CDH23: variants seen among roughly 807,000 people sequenced by gnomAD.
CDH23 encodes cadherin-23.
In CDH23, 189 loss-of-function variants were observed where a neutral mutation model predicts 317.1. The ratio of observed to expected loss-of-function variants is 0.60; its 90% confidence interval spans 0.53 to 0.67. The LOEUF (loss-of-function observed/expected upper bound fraction) is 0.67, where lower values mean the gene tolerates loss of function less well. Ranked by LOEUF, CDH23 falls within the 30% of genes least tolerant of loss-of-function variation. The pLI, the probability that CDH23 is intolerant of heterozygous loss-of-function variation, is 0.00. For missense variants in CDH23, 4,401 were observed against 4,592.4 expected, an observed-to-expected ratio of 0.96 and a Z score of 1.20; for synonymous variants, 1,839 against 1,876.8, an observed-to-expected ratio of 0.98 and a Z score of 0.52.
intron 55 of CDH23, among the ~76,000 whole-genome samples, chr10:71,805,237 G>A (rs974909903): frequency 1.8e-4 from 28 of 152,228 alleles, no homozygotes; most frequent in African/African-American, 6.3e-4. Context: ...GCTCAGGGAA[G>A]TGAGGTGGCA....
At chr10:71,791,038 G>A (rs1841236413) in intron 46 of CDH23, 94 bp from the exon 47 acceptor site, 1 of 972,428 alleles carries the variant, frequency 1.0e-6, no homozygotes. Flanking sequence ...TGGTGCCCCT[G>A]TCTTTCTCTG....
rs375212593 is a variant in CDH23 at position 71,807,572 on chromosome 10, C to T, written c.8365C>T (p.Arg2789Trp). ...GCCCGATGGGTGTCTGCTGGTGCTGCGGGACCTGGACCGGGAGCGAGAAGC... is the reference window on the plus strand; with the variant it reads ...GCCCGATGGGTGTCTGCTGGTGCTGTGGGACCTGGACCGGGAGCGAGAAGC... ...LQPDGCLLVL[R>W]DLDREREAIF... Residue 2789 changes from arginine to tryptophan, a missense_variant, in exon 59 of 70, where the codon CGG becomes TGG. By Grantham distance (101) the Arg-to-Trp change is moderately radical (BLOSUM62 -3). This residue lies in a region of CDH23 where 1,144 missense variants were observed against 1,138.2 expected (regional missense o/e 1.01). Transcript: ENST00000224721. 7 of 1,613,980 alleles carry T rather than the reference C, an allele frequency of 4.3e-6. No individual in the cohort carries two copies. The South Asian group carries it at 5.5e-5, about 13-fold the overall frequency.
At chr10:71,553,351 G>T (rs544022228) in intron 6 of CDH23, among the ~76,000 whole-genome samples, 6 of 151,908 alleles carry the variant, frequency 3.9e-5, no homozygotes, top group Non-Finnish European at 8.8e-5. Context: ...CTGCAGCCCC[G>T]TTCGAACCTT....
intron 22 of CDH23, among the ~76,000 whole-genome samples, chr10:71,697,148 GTGTGCCAGGTGAGGAC>G (rs1017530346): frequency 5.9e-5 from 9 of 152,232 alleles, no homozygotes; most frequent in Non-Finnish European, 1.0e-4. Flanking sequence ...CAAGGCGTGG[GTGTGCCAGGTGAGGAC>G]TGCACACAGT....
chr10:71,815,510 A>ACGCCTGTAATCCCAGC lies in CDH23; in HGVS notation c.*232_*233insCGCCTGTAATCCCAGC. 1 of 448,144 alleles carries ACGCCTGTAATCCCAGC rather than the reference A, an allele frequency of 2.2e-6. No individual in the cohort carries two copies. The highest frequency in any genetic ancestry group is 3.9e-6 in the Non-Finnish European group (1 of 254,136). 27.8% of individuals were successfully genotyped at this position (448,144 alleles called of 1,614,324 possible). A position where few individuals can be genotyped will look rare whatever the true frequency, so the allele number is the denominator to read the frequency against. ...ATCTGTTATTTTTATAAGAAAACCA[A>ACGCCTGTAATCCCAGC]ACAAAAATGTTAAGCATCTAAGGAC... On this transcript the variant is annotated 3_prime_UTR_variant, in exon 70 of 70. Coordinates refer to ENST00000224721, the MANE Select transcript of CDH23 (RefSeq NM_022124.6).
intron 24 of CDH23, 46 bp from the exon 25 acceptor site, chr10:71,704,865 C>G (rs758977573): frequency 5.6e-6 from 8 of 1,437,698 alleles, no homozygotes; most frequent in Non-Finnish European, 9.8e-7. Context: ...AAGCATCCAT[C>G]CCAGTGTCCC....
chr10:71,751,385 T>C lies in CDH23; in HGVS notation c.4845+9464T>C. The C allele has an allele frequency of 1.7e-6, 1 of 591,698 alleles. No individual in the cohort carries two copies. Among genetic ancestry groups the C allele is most frequent in the Admixed American group, 3.7e-5 (1 of 27,312 alleles). 36.7% of individuals were successfully genotyped at this position (591,698 alleles called of 1,614,324 possible). A position where few individuals can be genotyped will look rare whatever the true frequency, so the allele number is the denominator to read the frequency against. On this transcript the variant is annotated intron_variant, in intron 38 of 69. Coordinates refer to ENST00000224721, the MANE Select transcript of CDH23 (RefSeq NM_022124.6). This position sits in a 1 kb window ranked among gnomAD's most constrained non-coding sequence, Gnocchi z 4.9. Reference sequence around the variant, plus strand: ...CCGTGGAACTCTTCAGGGAGGTGAATGGGGGCCCCTCTGTCCCTCACCCTC... The same window carrying C: ...CCGTGGAACTCTTCAGGGAGGTGAACGGGGGCCCCTCTGTCCCTCACCCTC...
chr10:71,798,669 T>G (rs1214274641), intron 50 of CDH23, 91 bp downstream of exon 50: 8 of 1,028,668 alleles, frequency 7.8e-6, no homozygotes, highest in African/African-American at 1.6e-5. Flanking sequence ...CTGTGGCTCC[T>G]CAGTGGACTG....
intron 11 of CDH23, among the ~76,000 whole-genome samples, chr10:71,627,613 GC>G (rs1861804092): frequency 6.6e-6 from 1 of 152,140 alleles, no homozygotes; most frequent in African/African-American, 2.4e-5. Context: ...CGGTACCAGT[GC>G]CCACCCCTCA....
At chr10:71,500,652 G>A (rs971112280) in intron 3 of CDH23, among the ~76,000 whole-genome samples, 1 of 152,194 alleles carries the variant, frequency 6.6e-6, no homozygotes, top group Non-Finnish European at 1.5e-5. Context: ...TTTGGATTTG[G>A]ATAAAAGGCT....
intron 28 of CDH23, among the ~76,000 whole-genome samples, chr10:71,721,675 G>C (rs554930110): frequency 6.6e-6 from 1 of 152,094 alleles, no homozygotes; most frequent in Non-Finnish European, 1.5e-5. Context: ...CACACTTACC[G>C]CAGTGCCCGG....
chr10:71,430,239 C>G (rs1314935331), intron 1 of CDH23, among the ~76,000 whole-genome samples: 1 of 151,774 alleles, frequency 6.6e-6, no homozygotes, highest in Non-Finnish European at 1.5e-5. Flanking sequence ...GTCCATGTGC[C>G]CAGCAGGGGC....
chr10:71,682,953 G>T (rs1864715444), intron 18 of CDH23, among the ~76,000 whole-genome samples: 1 of 152,098 alleles, frequency 6.6e-6, no homozygotes, highest in South Asian at 2.1e-4. Flanking sequence ...TGACCAGAAG[G>T]TCATCTTCTC....
chr10:71,789,346 G>C (rs1841183837), intron 45 of CDH23, among the ~76,000 whole-genome samples: 1 of 152,184 alleles, frequency 6.6e-6, no homozygotes, highest in African/African-American at 2.4e-5. Flanking sequence ...ACCCCGGAGG[G>C]GAGTGGGTCC....
rs762681991 is a variant in CDH23, at chr10:71,712,729, G to T, written c.3285G>T (p.Val1095=). Residue 1095 remains valine, a synonymous_variant, in exon 28 of 70, where the codon GTG becomes GTT. Coordinates refer to ENST00000224721, the MANE Select transcript of CDH23 (RefSeq NM_022124.6). ...TATVFVTVLD[V]NDNRPIFLQS... ...CCGTGTTCGTCACTGTCCTGGATGT[G>T]AATGACAACCGGCCCATCTTTCTGC... The T allele has an allele frequency of 6.2e-7, 1 of 1,613,706 alleles. No homozygotes were observed. Among genetic ancestry groups the T allele is most frequent in the South Asian group, 1.1e-5 (1 of 91,052 alleles).
At position 71,668,061 on chromosome 10, in the gene CDH23, G is replaced by A. The variant is rs567256635; in HGVS notation, c.1450-7051G>A. Among the ~76,000 whole-genome samples, 30 of 152,234 alleles carry A rather than the reference G, an allele frequency of 2.0e-4. 1 individual carries two copies. Among genetic ancestry groups the A allele is most frequent in the Admixed American group, 1.2e-3 (19 of 15,296 alleles). On this transcript the variant is annotated intron_variant, in intron 14 of 69. Transcript: ENST00000224721. The stretch of plus-strand genomic sequence containing the variant: ...ACCAAGACCAAGCCTGGGATGGGGT[G>A]GAGTCCTTCTTTAAGGGTCTGTGGG...
intron 9 of CDH23, among the ~76,000 whole-genome samples, chr10:71,578,683 G>A (rs2132403712): frequency 6.6e-6 from 1 of 151,628 alleles, no homozygotes; most frequent in African/African-American, 2.4e-5. Flanking sequence ...AGGATGTGGT[G>A]ACAGGCTGCT....
At chr10:71,457,037 T>C (rs1391417582) in intron 3 of CDH23, among the ~76,000 whole-genome samples, 1 of 152,122 alleles carries the variant, frequency 6.6e-6, no homozygotes, top group African/African-American at 2.4e-5. Context: ...GTGGGAGGCA[T>C]GAACTACAGA....
In CDH23 at chr10:71,777,719, G is replaced by A. The variant is rs1840849138; in HGVS notation, c.4885G>A (p.Asp1629Asn). The A allele has an allele frequency of 6.2e-7, 1 of 1,613,244 alleles. No homozygotes were observed. Among genetic ancestry groups the A allele is most frequent in the Non-Finnish European group, 8.5e-7 (1 of 1,179,670 alleles). ...GTACGTGACCATTGTGGATGAGAAT[G>A]ATAACGCGCCCATGTTCCAGCAGCC... is the stretch of plus-strand genomic sequence containing the variant. The part of the protein sequence containing the change: ...HVYVTIVDEN[D>N]NAPMFQQPHY... Residue 1629 changes from aspartate to asparagine, a missense_variant, in exon 39 of 70, where the codon GAT becomes AAT. Transcript: ENST00000224721.
Sources: gnomAD v4.1 joint callset for allele counts (sites outside exome capture counted in the v4.1 genomes callset) on GRCh38, gnomAD v4.1.1 for gene constraint, gnomAD v4.1.1 regional missense constraint, Gnocchi (gnomAD v3.1) non-coding constraint, MANE v1.5 for transcripts, NCBI Gene and HGNC (gene_info 2026-07-23, HGNC 2026-07-21) for gene names.